CACNA2D3: variants seen among roughly 807,000 people sequenced by gnomAD.
CACNA2D3 encodes voltage-dependent calcium channel subunit alpha-2/delta-3.
In CACNA2D3, 60 loss-of-function variants were observed where a neutral mutation model predicts 160.6. The observed-to-expected ratio is 0.37, with a 90% CI of 0.30 to 0.46. The LOEUF (loss-of-function observed/expected upper bound fraction) is 0.46, where lower values mean the gene tolerates loss of function less well. CACNA2D3 is among the 20% of genes least tolerant of loss of function. The pLI, the probability that CACNA2D3 is intolerant of heterozygous loss-of-function variation, is 1.00. For missense variants in CACNA2D3, 1,205 were observed against 1,365.0 expected, an observed-to-expected ratio of 0.88 and a Z score of 1.85; for synonymous variants, 558 against 492.9, an observed-to-expected ratio of 1.13 and a Z score of -1.75.
intron 2 of CACNA2D3, among the ~76,000 whole-genome samples, chr3:54,305,403 A>G (rs1473343044): frequency 6.6e-6 from 1 of 152,214 alleles, no homozygotes; most frequent in Non-Finnish European, 1.5e-5. Flanking sequence ...AGAAATCATC[A>G]TTTATTGGCA....
chr3:54,800,041 T>G (rs764084352), intron 13 of CACNA2D3, among the ~76,000 whole-genome samples: 18 of 152,126 alleles, frequency 1.2e-4, no homozygotes, highest in Non-Finnish European at 2.2e-4. Context: ...AATTAAGTTT[T>G]AATTAAAACC....
At chr3:54,826,637 C>G (rs571141417) in intron 14 of CACNA2D3, among the ~76,000 whole-genome samples, 1 of 152,126 alleles carries the variant, frequency 6.6e-6, no homozygotes, top group Non-Finnish European at 1.5e-5. Flanking sequence ...AAGCATCTGT[C>G]CCTTCTTCCC....
chr3:55,052,016 G>C (rs1704232761), intron 35 of CACNA2D3, among the ~76,000 whole-genome samples: 1 of 152,144 alleles, frequency 6.6e-6, no homozygotes, highest in Non-Finnish European at 1.5e-5. Context: ...GCACTCCCTA[G>C]TGAGATGAAC....
At chr3:54,259,548 C>T (rs532944865) in intron 2 of CACNA2D3, among the ~76,000 whole-genome samples, 8 of 152,216 alleles carry the variant, frequency 5.3e-5, no homozygotes, top group East Asian at 1.9e-4. Flanking sequence ...ATGCTTTTAC[C>T]GTGTGGTGGG....
intron 11 of CACNA2D3, among the ~76,000 whole-genome samples, chr3:54,727,574 G>A (rs1357492023): frequency 1.3e-5 from 2 of 152,178 alleles, no homozygotes; most frequent in Non-Finnish European, 2.9e-5. Flanking sequence ...ATACTATGCA[G>A]CCATAAAACA....
chr3:54,361,658 C>T (rs1698745067), intron 3 of CACNA2D3, among the ~76,000 whole-genome samples: 1 of 152,184 alleles, frequency 6.6e-6, no homozygotes, highest in Non-Finnish European at 1.5e-5. Flanking sequence ...TTTTTAAAGA[C>T]TAGGCTTGTG....
chr3:54,323,749 A>G (rs1704062118), intron 3 of CACNA2D3, among the ~76,000 whole-genome samples: 1 of 152,138 alleles, frequency 6.6e-6, no homozygotes, highest in Non-Finnish European at 1.5e-5. Context: ...TACAGGCGTG[A>G]GCCACCGTGC....
chr3:55,009,540 C>A, intron 34 of CACNA2D3, 97 bp downstream of exon 34: 1 of 1,141,926 alleles, frequency 8.8e-7, no homozygotes, highest in Non-Finnish European at 1.3e-6. Flanking sequence ...ACAGAAAATT[C>A]CCCAGGACAA....
At chr3:55,000,777 C>T (rs1702964069) in intron 31 of CACNA2D3, among the ~76,000 whole-genome samples, 1 of 152,046 alleles carries the variant, frequency 6.6e-6, no homozygotes, top group Admixed American at 6.6e-5. Flanking sequence ...CTCATCAGCC[C>T]TTCAGCTTGG....
At chr3:54,635,056 G>C (rs1001825766) in intron 10 of CACNA2D3, among the ~76,000 whole-genome samples, 7 of 151,908 alleles carry the variant, frequency 4.6e-5, no homozygotes, top group Non-Finnish European at 1.0e-4. Context: ...CTTCAAGCGG[G>C]ATTAGGGGCG....
chr3:54,800,584 C>T (rs1343505712), intron 13 of CACNA2D3, among the ~76,000 whole-genome samples: 1 of 152,150 alleles, frequency 6.6e-6, no homozygotes, highest in African/African-American at 2.4e-5. Flanking sequence ...ATGTGGGGGG[C>T]CTTCCCTCCA....
At chr3:54,226,347 G>T (rs1288983042) in intron 2 of CACNA2D3, among the ~76,000 whole-genome samples, 2 of 121,948 alleles carry the variant, frequency 1.6e-5, no homozygotes, top group African/African-American at 6.6e-5. Flanking sequence ...CAGTTGCTCT[G>T]TCACCCAGGC....
intron 11 of CACNA2D3, among the ~76,000 whole-genome samples, chr3:54,688,407 A>G (rs923153608): frequency 1.3e-5 from 2 of 151,738 alleles, no homozygotes; most frequent in African/African-American, 4.8e-5. Context: ...TTTCCTATGA[A>G]TGTTATGAAG....
intron 35 of CACNA2D3, 133 bp from the exon 36 acceptor site, chr3:55,073,312 T>G (rs940503753): frequency 1.4e-4 from 86 of 630,376 alleles, no homozygotes; most frequent in Admixed American, 1.1e-4. Context: ...GAAGGTAACA[T>G]TAGTAGTAAA....
chr3:54,139,045 C>T (rs2107264425), intron 2 of CACNA2D3, among the ~76,000 whole-genome samples: 1 of 152,334 alleles, frequency 6.6e-6, no homozygotes, highest in Non-Finnish European at 1.5e-5. Context: ...TGGCCTGACA[C>T]TGCTGAGCTT....
At chr3:54,642,621 A>G (rs986698070) in intron 11 of CACNA2D3, among the ~76,000 whole-genome samples, 22 of 152,142 alleles carry the variant, frequency 1.4e-4, no homozygotes, top group Middle Eastern at 6.8e-3. Flanking sequence ...CCTCTCCTTT[A>G]CATATTGTGT....
intron 35 of CACNA2D3, among the ~76,000 whole-genome samples, chr3:55,042,495 C>A (rs896987201): frequency 1.3e-5 from 2 of 152,118 alleles, no homozygotes; most frequent in African/African-American, 4.8e-5. Flanking sequence ...TAGCATGTTA[C>A]ATCTTTTACC....
chr3:55,014,945 A>G (rs914754933), intron 34 of CACNA2D3, among the ~76,000 whole-genome samples: 21 of 152,194 alleles, frequency 1.4e-4, no homozygotes, highest in Admixed American at 1.4e-3. Context: ...ACATCAAGCA[A>G]TTTCCAGCCA....
chr3:54,623,066 G>T (rs1043518245), intron 9 of CACNA2D3, among the ~76,000 whole-genome samples: 3 of 152,176 alleles, frequency 2.0e-5, no homozygotes, highest in Non-Finnish European at 1.5e-5. Context: ...TTTGGTTGTG[G>T]TAATCATAAG....
Sources: allele counts gnomAD v4.1 joint callset (sites outside exome capture counted in the v4.1 genomes callset), GRCh38; gene constraint gnomAD v4.1.1; transcripts MANE v1.5; gene names NCBI Gene and HGNC (gene_info 2026-07-23, HGNC 2026-07-21).